The following CNIH2 variants were observed in gnomAD, a reference collection of about 807,000 sequenced individuals.
The protein encoded by CNIH2 is protein cornichon homolog 2.
A neutral mutation model predicts 22.9 loss-of-function variants in CNIH2; 8 were observed. The ratio of observed to expected loss-of-function variants is 0.35; its 90% CI spans 0.20 to 0.63. CNIH2 has a LOEUF of 0.63. Among genes scored for constraint, CNIH2 ranks in the 30% least tolerant of loss-of-function variants. The pLI, the probability that CNIH2 is intolerant of heterozygous loss-of-function variation, is 0.72. For missense variants in CNIH2, 105 were observed against 206.2 expected, an observed-to-expected ratio of 0.51 and a Z score of 3.01; for synonymous variants, 74 against 78.2, an observed-to-expected ratio of 0.95 and a Z score of 0.28.
At chr11:66,282,422 G>A in intron 2 of CNIH2, 95 bp downstream of exon 2, 1 of 1,023,444 alleles carries the variant, frequency 9.8e-7, no homozygotes, top group East Asian at 2.7e-5. Context: ...CGGGGGTGGG[G>A]TGGGGGGCCT....
chr11:66,281,406 A>G (rs114689636), intron 1 of CNIH2: 1 of 456,338 alleles, frequency 2.2e-6, no homozygotes. Context: ...GTGAATCCAC[A>G]TACCGGCCAG....
At chr11:66,282,615 C>T in intron 2 of CNIH2, 118 bp from the exon 3 acceptor site, 1 of 1,242,030 alleles carries the variant, frequency 8.1e-7, no homozygotes, top group Admixed American at 2.0e-5. Context: ...CCCGGCCGTG[C>T]CGACAGTGCC....
chr11:66,278,537 C>T lies in CNIH2; in HGVS notation c.81C>T (p.His27=), dbSNP rs1371550190. The change falls in exon 1 of 6, where the codon CAC becomes CAT. Residue 27 remains histidine, a splice_region_variant and synonymous_variant. Coordinates refer to ENST00000311445, the MANE Select transcript of CNIH2 (RefSeq NM_182553.3). ...CASLIFFVIW[H]IIAFDELRTD... is the part of the protein sequence containing the mutation. ...CCCTCATCTTCTTTGTCATCTGGCA[C>T]GTAAGGCCGGGCTGGGGCTGGGGCT... 3 of 1,439,052 alleles carry T rather than the reference C, an allele frequency of 2.1e-6. No homozygotes were observed. Among genetic ancestry groups the T allele is most frequent in the East Asian group, 2.9e-5 (1 of 34,504 alleles). 89.1% of individuals were successfully genotyped at this position (1,439,052 alleles called of 1,614,324 possible). A position where few individuals can be genotyped will look rare whatever the true frequency, so the allele number is the denominator to read the frequency against.
Position 66,283,980 on chromosome 11 carries a change from T to G in CNIH2, c.*383T>G. ...TCCACCCCCACCCTGAGGCTCCCCCTGCAGGTGGGGGGGTACCCGCACCGG... is the reference window on the plus strand; with the variant it reads ...TCCACCCCCACCCTGAGGCTCCCCCGGCAGGTGGGGGGGTACCCGCACCGG... On this transcript the variant is annotated 3_prime_UTR_variant, in exon 6 of 6. Transcript: ENST00000311445. 4.4e-6 allele frequency: 1 copy of G among 227,674 alleles called. No individual in the cohort carries two copies. The highest frequency in any genetic ancestry group is 8.9e-6 in the Non-Finnish European group (1 of 112,528). The allele number at this position is 227,674 out of a possible 1,614,324, so 14.1% of individuals were successfully genotyped here.
chr11:66,278,416 C>T lies in CNIH2; in HGVS notation c.-41C>T. On this transcript the variant is annotated 5_prime_UTR_variant, in exon 1 of 6. Coordinates refer to ENST00000311445, the MANE Select transcript of CNIH2 (RefSeq NM_182553.3). ...GGGGGCGTCCCCTTGCGCCCGGGCC[C>T]CGCGCTGGCGCCCCCCGGGCCGCCG... 2 of 1,024,634 alleles carry T rather than the reference C, an allele frequency of 2.0e-6. No homozygotes were observed. The highest frequency in any genetic ancestry group is 2.4e-6 in the Non-Finnish European group (2 of 837,694). 63.5% of individuals were successfully genotyped at this position (1,024,634 alleles called of 1,614,324 possible). A position where few individuals can be genotyped will look rare whatever the true frequency, so the allele number is the denominator to read the frequency against.
chr11:66,282,949 C>A, intron 3 of CNIH2, 86 bp from the exon 4 acceptor site: 1 of 1,397,128 alleles, frequency 7.2e-7, no homozygotes, highest in Non-Finnish European at 1.0e-6. Flanking sequence ...GGGTGGGCAC[C>A]TCCCAAACCC....
chr11:66,283,421 CAGGGA>C (rs1857293664), intron 5 of CNIH2, 30 bp downstream of exon 5: 2 of 1,613,538 alleles, frequency 1.2e-6, no homozygotes, highest in African/African-American at 2.7e-5. Context: ...AGTCAGAACT[CAGGGA>C]AGGGATGTCC....
In CNIH2 at chr11:66,283,626, G is replaced by A; in HGVS notation, c.*29G>A. 6.4e-7 allele frequency: 1 copy of A among 1,558,088 alleles called. No individual in the cohort carries two copies. Among genetic ancestry groups the A allele is most frequent in the Non-Finnish European group, 8.7e-7 (1 of 1,150,530 alleles). ...GGAAGCCGGCCAGGGAGCGAGCCCA[G>A]AACGGACCGGACGCCTGTGCACCCC... On this transcript the variant is annotated 3_prime_UTR_variant, in exon 6 of 6. Coordinates refer to ENST00000311445, the MANE Select transcript of CNIH2 (RefSeq NM_182553.3).
intron 2 of CNIH2, 120 bp from the exon 3 acceptor site, chr11:66,282,613 T>C (rs1227364571): frequency 1.1e-5 from 14 of 1,219,266 alleles, no homozygotes; most frequent in Non-Finnish European, 1.5e-5. Context: ...TTCCCGGCCG[T>C]GCCGACAGTG....
chr11:66,283,201 G>T, intron 4 of CNIH2, 47 bp from the exon 5 acceptor site: 2 of 1,613,694 alleles, frequency 1.2e-6, no homozygotes, highest in Non-Finnish European at 1.7e-6. Flanking sequence ...GGGCAGGATG[G>T]GGGTGGGAGT....
intron 1 of CNIH2, among the ~76,000 whole-genome samples, chr11:66,281,922 C>A (rs1007580431): frequency 2.0e-5 from 3 of 152,132 alleles, no homozygotes; most frequent in African/African-American, 7.2e-5. Context: ...GGCCTGGGTT[C>A]CTCCTGGGCA....
intron 1 of CNIH2, among the ~76,000 whole-genome samples, chr11:66,279,343 C>T (rs968303532): frequency 6.6e-6 from 1 of 152,070 alleles, no homozygotes; most frequent in Non-Finnish European, 1.5e-5. Flanking sequence ...CTCCTCTCCT[C>T]CAGGGCCTCC....
chr11:66,280,820 T>C (rs961731420), intron 1 of CNIH2, among the ~76,000 whole-genome samples: 3 of 152,056 alleles, frequency 2.0e-5, no homozygotes, highest in Admixed American at 6.5e-5. Context: ...CCCATGTTCT[T>C]TCTCTCTGAG....
At position 66,278,425 on chromosome 11, in the gene CNIH2, C is replaced by G. The variant is rs1239671957; in HGVS notation, c.-32C>G. ...CCCTTGCGCCCGGGCCCCGCGCTGG[C>G]GCCCCCCGGGCCGCCGCCCGGCGCG... is the stretch of plus-strand genomic sequence containing the variant. On this transcript the variant is annotated 5_prime_UTR_variant, in exon 1 of 6. Transcript: ENST00000311445. 21 of 1,103,204 alleles carry G rather than the reference C, an allele frequency of 1.9e-5. No homozygotes were observed. Among genetic ancestry groups the G allele is most frequent in the Non-Finnish European group, 2.3e-5 (21 of 893,890 alleles). 68.3% of individuals were successfully genotyped at this position (1,103,204 alleles called of 1,614,324 possible). A position where few individuals can be genotyped will look rare whatever the true frequency, so the allele number is the denominator to read the frequency against.
chr11:66,279,160 C>T (rs570518812), intron 1 of CNIH2, among the ~76,000 whole-genome samples: 1 of 151,606 alleles, frequency 6.6e-6, no homozygotes, highest in South Asian at 2.1e-4. Flanking sequence ...CAGGTTTCCT[C>T]TCCATTTTCC....
chr11:66,280,493 G>A (rs1416293191), intron 1 of CNIH2, among the ~76,000 whole-genome samples: 1 of 152,142 alleles, frequency 6.6e-6, no homozygotes, highest in Admixed American at 6.5e-5. Context: ...TTAACAGGGC[G>A]GGACCCCAGA....
intron 2 of CNIH2, 124 bp from the exon 3 acceptor site, chr11:66,282,609 G>T (rs1479115971): frequency 5.9e-6 from 7 of 1,193,422 alleles, no homozygotes; most frequent in Admixed American, 2.1e-5. Context: ...CTGCTTCCCG[G>T]CCGTGCCGAC....
At chr11:66,281,659 CTT>C in intron 1 of CNIH2, 1 of 359,898 alleles carries the variant, frequency 2.8e-6, no homozygotes, top group Non-Finnish European at 5.5e-6. Flanking sequence ...ACCACTCTCT[CTT>C]TTCTTCCTGC....
Position 66,278,348 on chromosome 11 carries a change from C to T in CNIH2, c.-109C>T. On this transcript the variant is annotated 5_prime_UTR_variant, in exon 1 of 6. The change creates a premature stop within an existing upstream ORF in the 5' untranslated region. Coordinates refer to ENST00000311445, the MANE Select transcript of CNIH2 (RefSeq NM_182553.3). ...TCCCGGCCGCATCACCCACGTCCCCCGAGCCCCACGGGCCATGCCCGGCCG... is the reference window on the plus strand; with the variant it reads ...TCCCGGCCGCATCACCCACGTCCCCTGAGCCCCACGGGCCATGCCCGGCCG... The T allele has an allele frequency of 3.6e-6, 1 of 274,192 alleles. No individual in the cohort carries two copies. Among genetic ancestry groups the T allele is most frequent in the Non-Finnish European group, 5.5e-6 (1 of 181,772 alleles). 17.0% of individuals were successfully genotyped at this position (274,192 alleles called of 1,614,324 possible).
Sources: allele counts gnomAD v4.1 joint callset (sites outside exome capture counted in the v4.1 genomes callset), GRCh38; gene constraint gnomAD v4.1.1; transcripts MANE v1.5; gene names NCBI Gene and HGNC (gene_info 2026-07-23, HGNC 2026-07-21).